The following PCDH9 variants were observed in gnomAD, a reference collection of about 807,000 sequenced individuals.
PCDH9 encodes protocadherin-9.
Under a neutral mutation model 70.6 loss-of-function variants are expected in PCDH9, and 24 were observed. That is an observed-to-expected ratio of 0.34 (90% CI 0.25 to 0.48). The LOEUF is 0.48. PCDH9 is among the 20% of genes least tolerant of loss of function. The pLI is 0.99. For missense variants in PCDH9, 1,281 were observed against 1,503.6 expected, an observed-to-expected ratio of 0.85 and a Z score of 2.45; for synonymous variants, 562 against 558.5, an observed-to-expected ratio of 1.01 and a Z score of -0.09.
intron 2 of PCDH9, among the ~76,000 whole-genome samples, chr13:67,085,853 A>G (rs1323327492): frequency 6.6e-6 from 1 of 152,230 alleles, no homozygotes; most frequent in East Asian, 1.9e-4. Flanking sequence ...CCTAGTTAAC[A>G]TGAATGAATT....
chr13:67,035,564 A>G (rs1189211900), intron 2 of PCDH9, among the ~76,000 whole-genome samples: 1 of 149,148 alleles, frequency 6.7e-6, no homozygotes, highest in East Asian at 1.9e-4. Context: ...ATATAATTAT[A>G]TTAAATTTAA....
chr13:67,155,637 T>C (rs897197018), intron 2 of PCDH9, among the ~76,000 whole-genome samples: 4 of 152,136 alleles, frequency 2.6e-5, no homozygotes, highest in Admixed American at 6.5e-5. Flanking sequence ...CCCTCTGTGT[T>C]TTCTAAGGAA....
intron 3 of PCDH9, among the ~76,000 whole-genome samples, chr13:66,756,892 G>C (rs1466618402): frequency 2.0e-5 from 3 of 152,112 alleles, no homozygotes; most frequent in African/African-American, 7.2e-5. Flanking sequence ...CTGGAGTGCA[G>C]TGGCTGCAAT....
chr13:67,174,778 T>C (rs1405917872), intron 2 of PCDH9, among the ~76,000 whole-genome samples: 2 of 152,138 alleles, frequency 1.3e-5, no homozygotes, highest in Non-Finnish European at 2.9e-5. Flanking sequence ...GTGTCATTTC[T>C]TTATCAGATT....
chr13:66,713,796 C>T (rs949752032), intron 3 of PCDH9, among the ~76,000 whole-genome samples: 32 of 151,846 alleles, frequency 2.1e-4, no homozygotes, highest in African/African-American at 5.6e-4. Flanking sequence ...GCTTACTCAA[C>T]ATGAAGACAA....
chr13:66,393,903 G>A (rs1485361533), intron 4 of PCDH9, among the ~76,000 whole-genome samples: 1 of 152,212 alleles, frequency 6.6e-6, no homozygotes, highest in African/African-American at 2.4e-5. Context: ...GAGGAGAAAG[G>A]AGGTGTGAGG....
chr13:66,574,577 T>C (rs759068507), intron 4 of PCDH9, among the ~76,000 whole-genome samples: 1 of 152,190 alleles, frequency 6.6e-6, no homozygotes, highest in Non-Finnish European at 1.5e-5. Flanking sequence ...ACTCAGTCTA[T>C]TTTTTGTCTT....
chr13:66,778,913 C>T (rs2079945337), intron 3 of PCDH9, among the ~76,000 whole-genome samples: 1 of 152,148 alleles, frequency 6.6e-6, no homozygotes, highest in Non-Finnish European at 1.5e-5. Flanking sequence ...TTGCTCTCTA[C>T]TTTCTGTTTA....
chr13:67,047,981 G>T (rs2085254642), intron 2 of PCDH9, among the ~76,000 whole-genome samples: 2 of 152,102 alleles, frequency 1.3e-5, no homozygotes, highest in Non-Finnish European at 2.9e-5. Flanking sequence ...TTAAGAAAAG[G>T]CTGTTTCTGA....
intron 2 of PCDH9, among the ~76,000 whole-genome samples, chr13:66,974,647 C>T (rs561143712): frequency 6.6e-6 from 1 of 152,070 alleles, no homozygotes; most frequent in African/African-American, 2.4e-5. Context: ...TGTTTGTGAC[C>T]TACTCTATGC....
At chr13:67,028,868 A>G (rs2084846812) in intron 2 of PCDH9, among the ~76,000 whole-genome samples, 1 of 152,166 alleles carries the variant, frequency 6.6e-6, no homozygotes, top group Non-Finnish European at 1.5e-5. Flanking sequence ...TGGCATCCTC[A>G]AAGAGCTTTG....
At chr13:66,714,218 C>A (rs1220207601) in intron 3 of PCDH9, among the ~76,000 whole-genome samples, 2 of 151,988 alleles carry the variant, frequency 1.3e-5, no homozygotes, top group Non-Finnish European at 2.9e-5. Flanking sequence ...GTAATCCCAG[C>A]ACTTCGGGAG....
chr13:66,574,290 T>C (rs574971440), intron 4 of PCDH9, among the ~76,000 whole-genome samples: 1 of 152,288 alleles, frequency 6.6e-6, no homozygotes, highest in African/African-American at 2.4e-5. Flanking sequence ...AGCTTCAGTC[T>C]CCTCAAATCT....
intron 2 of PCDH9, among the ~76,000 whole-genome samples, chr13:66,984,537 GCTT>G (rs1169608019): frequency 6.6e-6 from 1 of 152,010 alleles, no homozygotes; most frequent in African/African-American, 2.4e-5. Context: ...CTGGTCTTTG[GCTT>G]CTTCATTTTT....
chr13:66,730,878 T>TG (rs2079067073), intron 3 of PCDH9, among the ~76,000 whole-genome samples: 1 of 16,782 alleles, frequency 6.0e-5, no homozygotes, highest in African/African-American at 9.4e-5. Context: ...GTGTGTGTGT[T>TG]TTTTTTTTGT....
chr13:66,410,714 A>G (rs1393093318), intron 4 of PCDH9, among the ~76,000 whole-genome samples: 1 of 152,196 alleles, frequency 6.6e-6, no homozygotes, highest in East Asian at 1.9e-4. Flanking sequence ...GAAACTTTGG[A>G]AGAGATTATG....
Position 67,014,609 on chromosome 13 carries a change from G to T in PCDH9, c.3037-111004C>A, listed in dbSNP as rs1254711557. Among the ~76,000 whole-genome samples, 5 of 150,686 alleles carry T rather than the reference G, an allele frequency of 3.3e-5. No homozygotes were observed. In the East Asian group the frequency reaches 1.0e-3, roughly 31 times the overall value. On this transcript the variant is annotated intron_variant, in intron 2 of 4. Transcript: ENST00000377865. ...CCACACCCACTCTACTCAAAATTCTGCCCTGTCCCACACACACATAGCCAA... is the reference window on the plus strand; with the variant it reads ...CCACACCCACTCTACTCAAAATTCTTCCCTGTCCCACACACACATAGCCAA...
chr13:66,785,819 T>C (rs2080070686), intron 3 of PCDH9, among the ~76,000 whole-genome samples: 2 of 151,976 alleles, frequency 1.3e-5, no homozygotes, highest in Non-Finnish European at 2.9e-5. Context: ...TCACTGATTA[T>C]TGTGAAGACT....
intron 4 of PCDH9, among the ~76,000 whole-genome samples, chr13:66,461,485 A>AT (rs956862175): frequency 2.6e-5 from 4 of 151,462 alleles, no homozygotes; most frequent in Admixed American, 6.6e-5. Context: ...GCTAACTTAT[A>AT]TTTTTTAATG....
Sources: allele counts gnomAD v4.1 joint callset (sites outside exome capture counted in the v4.1 genomes callset), GRCh38; gene constraint gnomAD v4.1.1; transcripts MANE v1.5; gene names NCBI Gene and HGNC (gene_info 2026-07-23, HGNC 2026-07-21).